The following TCF7 variants were observed in gnomAD, a reference collection of about 807,000 sequenced individuals.
TCF7 encodes the protein T-cell-factor-7.
Under a neutral mutation model 46.8 loss-of-function variants are expected in TCF7, and 19 were observed. The observed-to-expected ratio is 0.41, with a 90% CI of 0.28 to 0.60. TCF7 has a LOEUF of 0.60. Ranked by LOEUF, TCF7 falls within the 20% of genes least tolerant of loss-of-function variation. The pLI is 0.35. For missense variants in TCF7, 547 were observed against 504.6 expected (o/e 1.08, Z -0.81); for synonymous variants, 245 against 213.4 (o/e 1.15, Z -1.29).
chr5:134,144,881 C>G (rs756531545), intron 9 of TCF7: 1 of 1,612,724 alleles, frequency 6.2e-7, no homozygotes, highest in South Asian at 1.1e-5. Flanking sequence ...TGGGTTTGTC[C>G]CCACCATCGT....
At chr5:134,125,457 G>T (rs1757219259) in intron 3 of TCF7, among the ~76,000 whole-genome samples, 1 of 152,208 alleles carries the variant, frequency 6.6e-6, no homozygotes, top group South Asian at 2.1e-4. Context: ...CCCTCCCAGT[G>T]TGGGCAGCCA....
chr5:134,120,856 C>T (rs1362235573), intron 3 of TCF7, among the ~76,000 whole-genome samples: 1 of 152,236 alleles, frequency 6.6e-6, no homozygotes, highest in African/African-American at 2.4e-5. Flanking sequence ...AGTGGTGAGC[C>T]CTCCTCCCAG....
At chr5:134,129,841 A>T (rs1029393748) in intron 3 of TCF7, among the ~76,000 whole-genome samples, 2 of 152,156 alleles carry the variant, frequency 1.3e-5, no homozygotes. Context: ...CGGTGGGTGG[A>T]CTGGCCACAC....
At position 134,115,526 on chromosome 5, in the gene TCF7, T is replaced by TG. The variant is rs545488467; in HGVS notation, c.316+145dup. 2.3e-4 allele frequency: 337 copies of TG among 1,441,766 alleles called. No homozygotes were observed. In the African/African-American group the frequency reaches 4.6e-3, roughly 20 times the overall value. 89.3% of individuals were successfully genotyped at this position (1,441,766 alleles called of 1,614,324 possible). A position where few individuals can be genotyped will look rare whatever the true frequency, so the allele number is the denominator to read the frequency against. ...GGCGGCAGAACCCAGGGGTGGAGAGTGGGGGGCGGGCTTCCCGGGCGCCGC... is the reference window on the plus strand; with the variant it reads ...GGCGGCAGAACCCAGGGGTGGAGAGTGGGGGGGCGGGCTTCCCGGGCGCCGC... On this transcript the variant is annotated intron_variant, in intron 2 of 9. Coordinates refer to ENST00000342854, the MANE Select transcript of TCF7 (RefSeq NM_003202.5).
At chr5:134,115,428 G>C in intron 2 of TCF7, 41 bp downstream of exon 2, 1 of 1,566,644 alleles carries the variant, frequency 6.4e-7, no homozygotes, top group South Asian at 1.2e-5. Flanking sequence ...GTCGCGCTCA[G>C]GCCCTGGCCT....
rs3867427 is a variant in TCF7 at position 134,132,751 on chromosome 5, G to A, written c.442-5308G>A. On this transcript the variant is annotated intron_variant, in intron 3 of 9. Coordinates refer to ENST00000342854, the MANE Select transcript of TCF7 (RefSeq NM_003202.5). The stretch of plus-strand genomic sequence containing the variant: ...GCAGGAAGTTGGGGGGTGCGGGTTG[G>A]GGGGGTGGTGAAGGGGGATGCCAAG... Among the ~76,000 whole-genome samples, 421 of 151,876 alleles carry A rather than the reference G, an allele frequency of 2.8e-3. 3 individuals carry two copies. Among genetic ancestry groups the A allele is most frequent in the African/African-American group, 9.0e-3 (374 of 41,406 alleles).
At chr5:134,113,911 G>A (rs36203382), upstream of TCF7, among the ~76,000 whole-genome samples, 2,882 of 152,308 alleles carry the variant, frequency 0.019, 97 homozygotes, top group African/African-American at 0.065. Flanking sequence ...GCGCCCACGT[G>A]GCTGCCCAAA....
intron 3 of TCF7, among the ~76,000 whole-genome samples, chr5:134,117,501 C>T (rs1755986469): frequency 6.6e-6 from 1 of 152,196 alleles, no homozygotes; most frequent in Non-Finnish European, 1.5e-5. Flanking sequence ...AGGCCTAGGC[C>T]CAAGGCTCTA....
intron 3 of TCF7, among the ~76,000 whole-genome samples, chr5:134,132,651 G>A (rs978245942): frequency 1.3e-5 from 2 of 151,950 alleles, no homozygotes; most frequent in African/African-American, 4.8e-5. Flanking sequence ...GGCTGTCAGC[G>A]TGCACACAGC....
At chr5:134,121,411 G>A (rs986926159) in intron 3 of TCF7, among the ~76,000 whole-genome samples, 2 of 151,816 alleles carry the variant, frequency 1.3e-5, no homozygotes, top group African/African-American at 4.8e-5. Flanking sequence ...CGGTAAAACC[G>A]GGTCTCTACT....
In TCF7 at chr5:134,146,666, C is replaced by T. The variant is rs1760753830; in HGVS notation, c.*363C>T. The T allele has an allele frequency of 1.6e-6, 1 of 642,250 alleles. No homozygotes were observed. Among genetic ancestry groups the T allele is most frequent in the Admixed American group, 2.9e-5 (1 of 35,002 alleles). The allele number at this position is 642,250 out of a possible 1,614,324, so 39.8% of individuals were successfully genotyped here. A position where few individuals can be genotyped will look rare whatever the true frequency, so the allele number is the denominator to read the frequency against. On this transcript the variant is annotated 3_prime_UTR_variant, in exon 10 of 10. Transcript: ENST00000342854. ...ATTTCAGAGGCTGCAGGACTTCTGCCTGAACCTGGGGTCATCGATTCAAAC... is the reference window on the plus strand; with the variant it reads ...ATTTCAGAGGCTGCAGGACTTCTGCTTGAACCTGGGGTCATCGATTCAAAC...
intron 3 of TCF7, among the ~76,000 whole-genome samples, chr5:134,124,316 G>A (rs1757032327): frequency 6.6e-6 from 1 of 152,194 alleles, no homozygotes; most frequent in Non-Finnish European, 1.5e-5. Flanking sequence ...AAAAATGTGT[G>A]GCCTGCTTCT....
At chr5:134,139,300 C>T (rs935410550) in intron 5 of TCF7, 11 of 507,294 alleles carry the variant, frequency 2.2e-5, no homozygotes, top group Non-Finnish European at 3.5e-5. Context: ...GCCCTGTCTC[C>T]CTCAGTGTCC....
intron 3 of TCF7, among the ~76,000 whole-genome samples, chr5:134,135,359 T>C (rs1020127911): frequency 6.6e-6 from 1 of 152,034 alleles, no homozygotes; most frequent in African/African-American, 2.4e-5. Flanking sequence ...TGCTGCTGGA[T>C]TGAGGACTGG....
At chr5:134,120,094 G>A (rs1458563455) in intron 3 of TCF7, among the ~76,000 whole-genome samples, 2 of 152,018 alleles carry the variant, frequency 1.3e-5, no homozygotes, top group East Asian at 3.9e-4. Context: ...TGGCTGTGAA[G>A]GGGGGCCCAC....
chr5:134,123,584 G>C (rs1756904531), intron 3 of TCF7: 7 of 421,466 alleles, frequency 1.7e-5, no homozygotes, highest in Admixed American at 1.5e-4. Context: ...GGAGGAGAGA[G>C]GCAGAGGCTG....
chr5:134,125,228 C>T (rs1757182579), intron 3 of TCF7, among the ~76,000 whole-genome samples: 1 of 152,236 alleles, frequency 6.6e-6, no homozygotes, highest in Non-Finnish European at 1.5e-5. Context: ...GGCAGCGGGC[C>T]CAGCCTCCTG....
chr5:134,117,628 G>A (rs1293131898), intron 3 of TCF7, among the ~76,000 whole-genome samples: 2 of 152,224 alleles, frequency 1.3e-5, no homozygotes, highest in Non-Finnish European at 2.9e-5. Flanking sequence ...TCGTTCTGCT[G>A]TCAGGGTATG....
Position 134,129,839 on chromosome 5 carries a change from G to A in TCF7, c.442-8220G>A, listed in dbSNP as rs544547506. Among the ~76,000 whole-genome samples, 14 of 152,354 alleles carry A rather than the reference G, an allele frequency of 9.2e-5. No individual in the cohort carries two copies. In the South Asian group the frequency reaches 2.9e-3, roughly 32 times the overall value. ...CTGATGTCAAGGCCAGGCGGTGGGT[G>A]GACTGGCCACACGCACCTAGCAGAG... On this transcript the variant is annotated intron_variant, in intron 3 of 9. Coordinates refer to ENST00000342854, the MANE Select transcript of TCF7 (RefSeq NM_003202.5).
Sources: allele counts gnomAD v4.1 joint callset (sites outside exome capture counted in the v4.1 genomes callset), GRCh38; gene constraint gnomAD v4.1.1; transcripts MANE v1.5; gene names NCBI Gene and HGNC (gene_info 2026-07-23, HGNC 2026-07-21).